The following RALYL variants were observed in gnomAD, a reference collection of about 807,000 sequenced individuals.
RALYL encodes RALY RNA binding protein like.
RALYL carries 29 observed loss-of-function variants against 35.1 expected under a neutral mutation model. That is an observed-to-expected ratio of 0.83 (90% CI 0.61 to 1.13). The LOEUF (loss-of-function observed/expected upper bound fraction) is 1.13, where lower values mean the gene tolerates loss of function less well. Ranked by LOEUF, RALYL falls within the 50% of genes most tolerant of loss-of-function variation. RALYL has a pLI of 0.00. For missense variants in RALYL, 359 were observed against 360.4 expected (o/e 1.00, Z 0.03); for synonymous variants, 120 against 127.6 (o/e 0.94, Z 0.40).
At chr8:84,339,127 C>A (rs1176248899) in intron 1 of RALYL, among the ~76,000 whole-genome samples, 1 of 151,918 alleles carries the variant, frequency 6.6e-6, no homozygotes, top group Non-Finnish European at 1.5e-5. Flanking sequence ...TTGTGATGTC[C>A]CATTTGTACA....
At chr8:84,233,058 C>T (rs768187660) in intron 1 of RALYL, among the ~76,000 whole-genome samples, 6 of 152,000 alleles carry the variant, frequency 3.9e-5, no homozygotes, top group Non-Finnish European at 5.9e-5. Context: ...TCATAGTTCA[C>T]TGTAACCTCA....
In RALYL at chr8:84,715,604, C is replaced by T. The variant is rs557210422; in HGVS notation, c.257-58975C>T. On this transcript the variant is annotated intron_variant, in intron 2 of 8. Coordinates refer to ENST00000521268, the MANE Select transcript of RALYL (RefSeq NM_173848.7). The stretch of plus-strand genomic sequence containing the variant: ...AATATCTGCAAATGAATGTATTTGT[C>T]TCATATGCTATCTTTTCTGCAAAGG... 3.3e-5 allele frequency among the ~76,000 whole-genome samples: 5 copies of T among 152,076 alleles called. No homozygotes were observed. The East Asian group carries it at 9.7e-4, about 29-fold the overall frequency.
chr8:84,324,542 C>T (rs1845449332), intron 1 of RALYL, among the ~76,000 whole-genome samples: 1 of 151,706 alleles, frequency 6.6e-6, no homozygotes, highest in African/African-American at 2.4e-5. Flanking sequence ...GGAATATATT[C>T]CTTTAGGAAT....
intron 2 of RALYL, among the ~76,000 whole-genome samples, chr8:84,686,602 A>G (rs1215049757): frequency 6.6e-6 from 1 of 151,896 alleles, no homozygotes; most frequent in Non-Finnish European, 1.5e-5. Flanking sequence ...ACTGGGTTTC[A>G]CCATGTTGGC....
intron 2 of RALYL, among the ~76,000 whole-genome samples, chr8:84,638,995 C>T (rs1009496537): frequency 7.1e-6 from 1 of 141,132 alleles, no homozygotes; most frequent in East Asian, 2.1e-4. Context: ...CACACACACA[C>T]ACACACAGAT....
intron 2 of RALYL, among the ~76,000 whole-genome samples, chr8:84,556,484 A>T (rs976620847): frequency 1.3e-4 from 20 of 152,138 alleles, no homozygotes; most frequent in African/African-American, 3.9e-4. Context: ...ATCGACCATG[A>T]AGAACTTGTA....
intron 3 of RALYL, among the ~76,000 whole-genome samples, chr8:84,794,178 TC>T (rs1462038060): frequency 6.6e-6 from 1 of 152,132 alleles, no homozygotes; most frequent in African/African-American, 2.4e-5. Context: ...AATACATAGA[TC>T]ATGTCATTTA....
chr8:84,270,373 G>T (rs1435948032), intron 1 of RALYL, among the ~76,000 whole-genome samples: 1 of 152,114 alleles, frequency 6.6e-6, no homozygotes, highest in Non-Finnish European at 1.5e-5. Flanking sequence ...CAAGACAAAG[G>T]CAAATATAGA....
chr8:84,811,995 T>C (rs1318142245), intron 4 of RALYL, among the ~76,000 whole-genome samples: 1 of 152,214 alleles, frequency 6.6e-6, no homozygotes, highest in East Asian at 1.9e-4. Context: ...GAACCCTTTT[T>C]CAGGTAAATC....
intron 6 of RALYL, chr8:84,872,528 T>C (rs1840392966): frequency 1.3e-5 from 2 of 152,218 alleles, no homozygotes; most frequent in African/African-American, 4.8e-5. Context: ...AGGCTATTTA[T>C]TGTTGTTTTT....
chr8:84,887,593 C>A lies in RALYL; in HGVS notation c.686-11C>A, dbSNP rs769963476. The stretch of plus-strand genomic sequence containing the variant: ...CCAAGGTAGTAGTCATTTGCTTTCT[C>A]CCCCCCCCAGAAGCTCAGAAGAAGC... On this transcript the variant is annotated splice_polypyrimidine_tract_variant and intron_variant, in intron 7 of 8. Transcript: ENST00000521268. 3.6e-5 allele frequency: 23 copies of A among 638,248 alleles called. No homozygotes were observed. Among genetic ancestry groups the A allele is most frequent in the South Asian group, 5.6e-5 (2 of 35,850 alleles). The allele number at this position is 638,248 out of a possible 1,614,324, so 39.5% of individuals were successfully genotyped here.
intron 1 of RALYL, among the ~76,000 whole-genome samples, chr8:84,425,316 G>A (rs9772936): frequency 0.028 from 4,251 of 152,124 alleles, 187 homozygotes; most frequent in African/African-American, 0.097. Context: ...CGATTTTCCA[G>A]GTGCGTCCGT....
intron 8 of RALYL, among the ~76,000 whole-genome samples, chr8:84,898,939 T>A (rs946164591): frequency 3.3e-5 from 5 of 152,210 alleles, no homozygotes; most frequent in African/African-American, 1.2e-4. Flanking sequence ...TCTCTTCAAC[T>A]AGATTTAAAA....
rs116119971 is a variant in RALYL at position 84,478,668 on chromosome 8, G to T, written c.-23-50631G>T. Among the ~76,000 whole-genome samples, 1,467 of 151,936 alleles carry T rather than the reference G, an allele frequency of 9.7e-3. 21 individuals are homozygous for T. The highest frequency in any genetic ancestry group is 0.033 in the African/African-American group (1,361 of 41,454). On this transcript the variant is annotated intron_variant, in intron 1 of 8. Transcript: ENST00000521268. ...CTATTTTAGTGAGTATTCCACATAG[G>T]GTAACCACACATCTTTTCATCTTGT...
chr8:84,676,052 G>A (rs778828907), intron 2 of RALYL, among the ~76,000 whole-genome samples: 1 of 151,980 alleles, frequency 6.6e-6, no homozygotes, highest in Non-Finnish European at 1.5e-5. Context: ...TGTATATCTC[G>A]AATATATCCA....
At chr8:84,806,559 T>A (rs6988022) in intron 4 of RALYL, among the ~76,000 whole-genome samples, 4,459 of 142,272 alleles carry the variant, frequency 0.031, 211 homozygotes, top group African/African-American at 0.11. Context: ...CCTGAGAAAA[T>A]CTCTCCAAAA....
chr8:84,478,953 G>C (rs2053743859), intron 1 of RALYL, among the ~76,000 whole-genome samples: 1 of 122,666 alleles, frequency 8.2e-6, no homozygotes, highest in Non-Finnish European at 1.8e-5. Flanking sequence ...GGGCATGGTG[G>C]CGGGCGCCTA....
chr8:84,552,222 T>C (rs1427725354), intron 2 of RALYL, among the ~76,000 whole-genome samples: 1 of 150,964 alleles, frequency 6.6e-6, no homozygotes, highest in Non-Finnish European at 1.5e-5. Flanking sequence ...GAACTGTGGT[T>C]TCAGAAAAGT....
chr8:84,765,512 G>T (rs1434207043), intron 2 of RALYL, among the ~76,000 whole-genome samples: 1 of 152,126 alleles, frequency 6.6e-6, no homozygotes, highest in South Asian at 2.1e-4. Flanking sequence ...TAATTTCTCA[G>T]TATCTCAAAC....
Sources: allele counts gnomAD v4.1 joint callset (sites outside exome capture counted in the v4.1 genomes callset), GRCh38; gene constraint gnomAD v4.1.1; transcripts MANE v1.5; gene names NCBI Gene and HGNC (gene_info 2026-07-23, HGNC 2026-07-21).